The following TMPRSS4 variants were observed in gnomAD, a reference collection of about 807,000 sequenced individuals.
TMPRSS4 encodes transmembrane protease serine 4.
A neutral mutation model predicts 56.4 loss-of-function variants in TMPRSS4; 45 were observed. The ratio of observed to expected loss-of-function variants is 0.80; its 90% CI spans 0.63 to 1.02. The LOEUF is 1.02. Among genes scored for constraint, TMPRSS4 ranks in the 50% least tolerant of loss-of-function variants. The pLI is 0.00. For missense variants in TMPRSS4, 546 were observed against 556.7 expected, an observed-to-expected ratio of 0.98 and a Z score of 0.19; for synonymous variants, 205 against 211.0, an observed-to-expected ratio of 0.97 and a Z score of 0.25.
chr11:118,083,389 G>A (rs560028554), intron 1 of TMPRSS4, among the ~76,000 whole-genome samples: 2 of 152,122 alleles, frequency 1.3e-5, no homozygotes, highest in African/African-American at 4.8e-5. Flanking sequence ...CATCACCTCC[G>A]GTCCCAACTG....
At position 118,119,864 on chromosome 11, in the gene TMPRSS4, A is replaced by AT. The variant is rs1434113365; in HGVS notation, c.*1952dup. 1 of 152,240 alleles carries AT rather than the reference A, an allele frequency of 6.6e-6. No individual in the cohort carries two copies. The highest frequency in any genetic ancestry group is 1.5e-5 in the Non-Finnish European group (1 of 68,046). The allele number at this position is 152,240 out of a possible 1,614,324, so 9.4% of individuals were successfully genotyped here. ...TAAAATCATGTTTAACTGTGGTCAA[A>AT]TGCACATAACACAAGTTGCCATCTT... On this transcript the variant is annotated 3_prime_UTR_variant, in exon 13 of 13. Transcript: ENST00000437212.
chr11:118,097,271 A>T (rs9651687), intron 2 of TMPRSS4, among the ~76,000 whole-genome samples: 139,450 of 151,976 alleles, frequency 0.92, 64,051 homozygotes, highest in Non-Finnish European at 0.93. Flanking sequence ...ATACAAAATA[A>T]GTCAAATATA....
At position 118,113,296 on chromosome 11, in the gene TMPRSS4, G is replaced by T. The variant is rs531096587; in HGVS notation, c.771G>T (p.Lys257Asn). 7 of 1,614,106 alleles carry T rather than the reference G, an allele frequency of 4.3e-6. No homozygotes were observed. Among genetic ancestry groups the T allele is most frequent in the East Asian group, 2.2e-5 (1 of 44,856 alleles). ...FRKHTDVFNW[K>N]VRAGSDKLGS... is the part of the protein sequence containing the mutation. Reference sequence around the variant, plus strand: ...AACATACCGATGTGTTCAACTGGAAGGTGCGGGCAGGCTCAGACAAACTGG... The same window carrying T: ...AACATACCGATGTGTTCAACTGGAATGTGCGGGCAGGCTCAGACAAACTGG... Residue 257 changes from lysine to asparagine, a missense_variant, in exon 9 of 13, where the codon AAG (lysine) becomes AAT (asparagine). Physicochemically the swap from Lys to Asn is moderately conservative, Grantham distance 94 (BLOSUM62 0). Transcript: ENST00000437212.
intron 1 of TMPRSS4, among the ~76,000 whole-genome samples, chr11:118,080,015 C>A (rs1565405543): frequency 6.6e-6 from 1 of 152,162 alleles, no homozygotes; most frequent in Non-Finnish European, 1.5e-5. Flanking sequence ...TCCCCCCCCA[C>A]CAAAAGAAGC....
At chr11:118,096,553 G>A (rs1407624209) in intron 2 of TMPRSS4, among the ~76,000 whole-genome samples, 2 of 152,154 alleles carry the variant, frequency 1.3e-5, no homozygotes, top group South Asian at 4.1e-4. Context: ...GGAGGCCAAG[G>A]TGGGGGTGGA....
rs559975641 is a variant in TMPRSS4, at chr11:118,077,450, C to A, written c.3+145C>A. On this transcript the variant is annotated intron_variant, in intron 1 of 12. Coordinates refer to ENST00000437212, the MANE Select transcript of TMPRSS4 (RefSeq NM_019894.4). ...AAGAGGCCACACCCAAATCCCCTCA[C>A]ACCCCAGCCCGGTACACGTCTCATA... is the stretch of plus-strand genomic sequence containing the variant. 47 of 974,482 alleles carry A rather than the reference C, an allele frequency of 4.8e-5. No individual in the cohort carries two copies. In the African/African-American group the frequency reaches 7.5e-4, roughly 16 times the overall value. 60.4% of individuals were successfully genotyped at this position (974,482 alleles called of 1,614,324 possible).
At chr11:118,107,349 T>G (rs573574135) in intron 5 of TMPRSS4, 1 of 155,018 alleles carries the variant, frequency 6.5e-6, no homozygotes, top group South Asian at 2.0e-4. Context: ...GAACGAAATA[T>G]CCACATTCCA....
intron 1 of TMPRSS4, among the ~76,000 whole-genome samples, chr11:118,083,226 C>G (rs1945290993): frequency 6.6e-6 from 1 of 152,260 alleles, no homozygotes. Flanking sequence ...GGAGAAAAGA[C>G]TTTCTGTAAC....
In TMPRSS4 at chr11:118,118,613, A is replaced by C; in HGVS notation, c.*700A>C. 1 of 985,482 alleles carries C rather than the reference A, an allele frequency of 1.0e-6. No homozygotes were observed. The allele number at this position is 985,482 out of a possible 1,614,324, so 61.0% of individuals were successfully genotyped here. A position where few individuals can be genotyped will look rare whatever the true frequency, so the allele number is the denominator to read the frequency against. On this transcript the variant is annotated 3_prime_UTR_variant, in exon 13 of 13. Transcript: ENST00000437212. ...GAGACCAGATCTGCTGAGTGGCAGC[A>C]AGAGTGAGCTGCAGATTACAGAAAC...
rs1472204420 is a variant in TMPRSS4, at chr11:118,107,814, G to A, written c.481G>A (p.Asp161Asn). The change falls in exon 6 of 13, where the codon GAT becomes AAT. Residue 161 changes from aspartate (D) to asparagine (N), a missense_variant. Coordinates refer to ENST00000437212, the MANE Select transcript of TMPRSS4 (RefSeq NM_019894.4). ...AGCTGTGGAGATTGGCCCAGACCAGGATCTGGATGTTGTTGAAATCACAGA... is the reference window on the plus strand; with the variant it reads ...AGCTGTGGAGATTGGCCCAGACCAGAATCTGGATGTTGTTGAAATCACAGA... Reference protein sequence around the residue: ...FRAVEIGPDQDLDVVEITENS... With the variant: ...FRAVEIGPDQNLDVVEITENS... 1.2e-6 allele frequency: 2 copies of A among 1,614,042 alleles called. No homozygotes were observed. The highest frequency in any genetic ancestry group is 2.7e-5 in the African/African-American group (2 of 74,934).
At chr11:118,082,899 C>A (rs1365982657) in intron 1 of TMPRSS4, among the ~76,000 whole-genome samples, 1 of 152,166 alleles carries the variant, frequency 6.6e-6, no homozygotes, top group African/African-American at 2.4e-5. Context: ...GTCTTCTCGG[C>A]GAGTGGGTTC....
chr11:118,113,357 A>G lies in TMPRSS4; in HGVS notation c.832A>G (p.Ile278Val), dbSNP rs147308744. ...ATCCCTGGCTGTGGCCAAGATCATC[A>G]TCATTGAATTCAACCCCATGTACCC... ...FPSLAVAKII[I>V]IEFNPMYPKD... The change falls in exon 9 of 13, where the codon ATC (isoleucine) becomes GTC (valine). Residue 278 changes from isoleucine (I) to valine (V), a missense_variant. By Grantham distance (29) the Ile-to-Val change is conservative. Coordinates refer to ENST00000437212, the MANE Select transcript of TMPRSS4 (RefSeq NM_019894.4). 3.8e-5 allele frequency: 61 copies of G among 1,614,054 alleles called. No homozygotes were observed. The Admixed American group carries it at 5.7e-4, about 15-fold the overall frequency.
At chr11:118,108,038 C>G (rs1947087612) in intron 6 of TMPRSS4, 163 bp downstream of exon 6, 1 of 599,114 alleles carries the variant, frequency 1.7e-6, no homozygotes, top group Non-Finnish European at 3.0e-6. Flanking sequence ...GAGCTATAGA[C>G]TCACATTTTG....
chr11:118,095,035 G>T (rs1284413906), intron 2 of TMPRSS4, 180 bp downstream of exon 2: 2 of 686,462 alleles, frequency 2.9e-6, no homozygotes, highest in Non-Finnish European at 5.1e-6. Flanking sequence ...CATTCCAGAA[G>T]TAGGAGGCCT....
rs1030674631 is a variant in TMPRSS4 at position 118,108,793 on chromosome 11, T to C, written c.543-63T>C. 35 of 1,571,662 alleles carry C rather than the reference T, an allele frequency of 2.2e-5. No individual in the cohort carries two copies. The African/African-American group carries it at 4.3e-4, about 19-fold the overall frequency. On this transcript the variant is annotated intron_variant, in intron 6 of 12. Transcript: ENST00000437212. ...CTTGAATTAACAGCTTCGGGAGGCCTGAGTCCCTGCCTCCCAGCTGAGGAA... is the reference window on the plus strand; with the variant it reads ...CTTGAATTAACAGCTTCGGGAGGCCCGAGTCCCTGCCTCCCAGCTGAGGAA...
At chr11:118,098,882 C>A in intron 2 of TMPRSS4, 103 bp from the exon 3 acceptor site, 3 of 859,540 alleles carry the variant, frequency 3.5e-6, no homozygotes, top group Non-Finnish European at 5.7e-6. Context: ...GTGCTCAAGG[C>A]ATACCTGTCA....
At chr11:118,105,650 T>C (rs1414349267) in intron 5 of TMPRSS4, 1 of 152,158 alleles carries the variant, frequency 6.6e-6, no homozygotes, top group Non-Finnish European at 1.5e-5. Context: ...GGTTGATCAC[T>C]CAGAGAGTTT....
chr11:118,103,563 G>C (rs1390034108), intron 4 of TMPRSS4, among the ~76,000 whole-genome samples: 2 of 152,080 alleles, frequency 1.3e-5, no homozygotes, highest in Admixed American at 6.6e-5. Context: ...TATATTTTTA[G>C]TAGAGACGGG....
chr11:118,082,532 G>T (rs1945222226), intron 1 of TMPRSS4, among the ~76,000 whole-genome samples: 1 of 151,286 alleles, frequency 6.6e-6, no homozygotes, highest in African/African-American at 2.4e-5. Flanking sequence ...CTGCACTCCA[G>T]CCTGGGCAAT....
Sources: gnomAD v4.1 joint callset for allele counts (sites outside exome capture counted in the v4.1 genomes callset) on GRCh38, gnomAD v4.1.1 for gene constraint, MANE v1.5 for transcripts, NCBI Gene and HGNC (gene_info 2026-07-23, HGNC 2026-07-21) for gene names.